Variants in EXOC6B observed in about 807,000 individuals in gnomAD.
EXOC6B encodes exocyst complex component 6B, also known as SEC15 homolog B.
EXOC6B carries 54 observed loss-of-function variants against 113.5 expected under a neutral mutation model. The ratio of observed to expected loss-of-function variants is 0.48; its 90% confidence interval spans 0.38 to 0.60. EXOC6B has a LOEUF of 0.60. Ranked by LOEUF, EXOC6B falls within the 20% of genes least tolerant of loss-of-function variation. The pLI is 0.00. For missense variants in EXOC6B, 797 were observed against 977.5 expected (o/e 0.82, Z 2.46); for synonymous variants, 357 against 339.0 (o/e 1.05, Z -0.58).
At chr2:72,286,500 GGGAA>G (rs1685429475) in intron 20 of EXOC6B, among the ~76,000 whole-genome samples, 1 of 152,160 alleles carries the variant, frequency 6.6e-6, no homozygotes, top group Admixed American at 6.5e-5. Flanking sequence ...GGGGCAAGAA[GGGAA>G]TGAAGAGGTG....
At position 72,730,889 on chromosome 2, in the gene EXOC6B, A is replaced by G. The variant is rs1455502515; in HGVS notation, c.464+118T>C. ...TAGAATGAATCAATAAATATACAAA[A>G]GGTTAAGATGTTAGAAACTTAATTT... On this transcript the variant is annotated intron_variant, in intron 5 of 21. Coordinates refer to ENST00000272427, the MANE Select transcript of EXOC6B (RefSeq NM_015189.3). The G allele has an allele frequency of 3.3e-5, 11 of 330,410 alleles. No individual in the cohort carries two copies. In the African/African-American group the frequency reaches 5.7e-4, roughly 17 times the overall value. 20.5% of individuals were successfully genotyped at this position (330,410 alleles called of 1,614,324 possible).
chr2:72,653,602 C>CCA lies in EXOC6B; in HGVS notation c.669+64500_669+64501insTG, dbSNP rs989128464. On this transcript the variant is annotated intron_variant, in intron 6 of 21. Transcript: ENST00000272427. ...AAATAAAAAATATTGCCAGCAACCC[C>CCA]CCCCCAAAAAGAAAGAAAGAAAGAA... is the stretch of plus-strand genomic sequence containing the variant. Among the ~76,000 whole-genome samples, 6 of 144,576 alleles carry CCA rather than the reference C, an allele frequency of 4.2e-5. 1 individual carries two copies. The highest frequency in any genetic ancestry group is 1.4e-4 in the African/African-American group (5 of 36,444). 94.8% of individuals were successfully genotyped at this position (144,576 alleles called of 152,430 possible). A position where few individuals can be genotyped will look rare whatever the true frequency, so the allele number is the denominator to read the frequency against.
At chr2:72,597,110 T>C (rs898469239) in intron 6 of EXOC6B, among the ~76,000 whole-genome samples, 3 of 150,392 alleles carry the variant, frequency 2.0e-5, no homozygotes, top group Non-Finnish European at 3.0e-5. Flanking sequence ...TAGGAGTAAA[T>C]AGAGATAGAT....
At position 72,527,987 on chromosome 2, in the gene EXOC6B, C is replaced by A. The variant is rs149692225; in HGVS notation, c.916-12861G>T. On this transcript the variant is annotated intron_variant, in intron 8 of 21. Transcript: ENST00000272427. ...TATGATTTGCAAATATTTTCTCCCA[C>A]TCCACTGTATCTTTTACCCTCAGCA... Among the ~76,000 whole-genome samples the A allele has an allele frequency of 2.6e-3, 395 of 152,032 alleles. 1 individual carries two copies. Among genetic ancestry groups the A allele is most frequent in the African/African-American group, 9.0e-3 (372 of 41,536 alleles).
chr2:72,791,131 C>T (rs369461359), intron 1 of EXOC6B, among the ~76,000 whole-genome samples: 3 of 152,100 alleles, frequency 2.0e-5, no homozygotes, highest in Non-Finnish European at 2.9e-5. Context: ...CTATTTTGAA[C>T]GTTCACAACA....
intron 1 of EXOC6B, among the ~76,000 whole-genome samples, chr2:72,762,250 A>G (rs1023318794): frequency 5.9e-5 from 9 of 151,722 alleles, no homozygotes; most frequent in African/African-American, 2.2e-4. Context: ...CTCAAAAAAA[A>G]AAAAAAAAGA....
At chr2:72,524,838 G>C (rs532215967) in intron 8 of EXOC6B, among the ~76,000 whole-genome samples, 38 of 152,200 alleles carry the variant, frequency 2.5e-4, no homozygotes, top group Non-Finnish European at 4.6e-4. Flanking sequence ...TATGGAGAAA[G>C]GATACTTGCT....
intron 20 of EXOC6B, among the ~76,000 whole-genome samples, chr2:72,307,995 A>C (rs1363892710): frequency 6.6e-6 from 1 of 152,236 alleles, no homozygotes; most frequent in Non-Finnish European, 1.5e-5. Flanking sequence ...AGACATAGTT[A>C]TACTGACTTT....
chr2:72,636,067 T>C (rs1230736690), intron 6 of EXOC6B, among the ~76,000 whole-genome samples: 1 of 151,962 alleles, frequency 6.6e-6, no homozygotes, highest in Non-Finnish European at 1.5e-5. Flanking sequence ...AAAATTTCTT[T>C]AAAAAATTAG....
intron 11 of EXOC6B, among the ~76,000 whole-genome samples, chr2:72,506,294 A>G (rs1256216310): frequency 6.6e-6 from 1 of 152,142 alleles, no homozygotes; most frequent in Non-Finnish European, 1.5e-5. Flanking sequence ...CCTAGATAGG[A>G]GATTTCTTTG....
intron 6 of EXOC6B, among the ~76,000 whole-genome samples, chr2:72,583,019 T>C (rs1454443813): frequency 6.6e-6 from 1 of 152,138 alleles, no homozygotes; most frequent in Non-Finnish European, 1.5e-5. Flanking sequence ...TAATTAGAGC[T>C]TCTGGAATTG....
chr2:72,428,811 T>C (rs1695360037), intron 18 of EXOC6B, among the ~76,000 whole-genome samples: 1 of 152,232 alleles, frequency 6.6e-6, no homozygotes, highest in African/African-American at 2.4e-5. Flanking sequence ...GTTTCATTTA[T>C]GGCTAAAGCT....
chr2:72,270,090 C>T (rs968765651), intron 20 of EXOC6B, among the ~76,000 whole-genome samples: 1 of 152,000 alleles, frequency 6.6e-6, no homozygotes, highest in Non-Finnish European at 1.5e-5. Flanking sequence ...GGTTAGCAGT[C>T]CCTAGGCCTG....
chr2:72,408,313 G>C (rs1296420663), intron 18 of EXOC6B, among the ~76,000 whole-genome samples: 1 of 152,126 alleles, frequency 6.6e-6, no homozygotes, highest in Non-Finnish European at 1.5e-5. Flanking sequence ...TAGATTCAGT[G>C]CCATCCTCAT....
At chr2:72,229,612 C>A (rs1159545914) in intron 20 of EXOC6B, among the ~76,000 whole-genome samples, 1 of 152,136 alleles carries the variant, frequency 6.6e-6, no homozygotes. Flanking sequence ...AGACAATCCA[C>A]AAATGCAAAT....
At chr2:72,609,165 T>C (rs887011150) in intron 6 of EXOC6B, among the ~76,000 whole-genome samples, 7 of 152,090 alleles carry the variant, frequency 4.6e-5, no homozygotes, top group African/African-American at 1.7e-4. Context: ...CAATACCCTG[T>C]TGGAAGAGCA....
In EXOC6B at chr2:72,465,301, G is replaced by A. The variant is rs747859900; in HGVS notation, c.1839C>T (p.Asn613=). The part of the protein sequence containing the change: ...RHAAEEEIYT[N]LNQKIDQFLQ... Reference sequence around the variant, plus strand: ...GGAACTGGTCAATCTTCTGGTTTAAGTTGGTATAAATCTCTTCTTCAGCTG... The same window carrying A: ...GGAACTGGTCAATCTTCTGGTTTAAATTGGTATAAATCTCTTCTTCAGCTG... Residue 613 remains asparagine (N), a synonymous_variant, in exon 18 of 22, where the codon AAC becomes AAT. Coordinates refer to ENST00000272427, the MANE Select transcript of EXOC6B (RefSeq NM_015189.3). 1.9e-6 allele frequency: 3 copies of A among 1,605,958 alleles called. No individual in the cohort carries two copies. Among genetic ancestry groups the A allele is most frequent in the Admixed American group, 3.4e-5 (2 of 58,812 alleles).
chr2:72,353,332 T>C (rs1050927326), intron 19 of EXOC6B, among the ~76,000 whole-genome samples: 11 of 110,042 alleles, frequency 1.0e-4, no homozygotes, highest in Non-Finnish European at 1.2e-4. Context: ...ATCCCCATAA[T>C]GAAAACTTTA....
At chr2:72,378,570 AC>A (rs995109640) in intron 19 of EXOC6B, among the ~76,000 whole-genome samples, 6 of 152,184 alleles carry the variant, frequency 3.9e-5, no homozygotes, top group African/African-American at 1.4e-4. Flanking sequence ...CAAAAGGGTA[AC>A]TTTGATACCT....
Sources: gnomAD v4.1 joint callset for allele counts (sites outside exome capture counted in the v4.1 genomes callset) on GRCh38, gnomAD v4.1.1 for gene constraint, MANE v1.5 for transcripts, NCBI Gene and HGNC (gene_info 2026-07-23, HGNC 2026-07-21) for gene names.